EPB41L3: variants seen among roughly 807,000 people sequenced by gnomAD.
EPB41L3 encodes the protein erythrocyte membrane protein band 4.1 like 3, also known as band 4.1-like protein 3.
EPB41L3 carries 57 observed loss-of-function variants against 127.1 expected under a neutral mutation model. The observed-to-expected ratio is 0.45, with a 90% confidence interval of 0.36 to 0.56. The LOEUF (loss-of-function observed/expected upper bound fraction) is 0.56. EPB41L3 is among the 20% of genes least tolerant of loss of function. EPB41L3 has a pLI of 0.00. For synonymous variants in EPB41L3, 572 were observed against 549.5 expected (o/e 1.04, Z -0.57); for missense variants, 1,273 against 1,372.2 (o/e 0.93, Z 1.14).
intron 3 of EPB41L3, among the ~76,000 whole-genome samples, chr18:5,603,308 C>T (rs775981888): frequency 1.3e-5 from 2 of 152,074 alleles, no homozygotes; most frequent in African/African-American, 2.4e-5. Context: ...TGAGCTAAGG[C>T]CCGCCTCCAA....
intron 3 of EPB41L3, among the ~76,000 whole-genome samples, chr18:5,578,866 T>C (rs1474582427): frequency 2.0e-5 from 3 of 152,228 alleles, no homozygotes; most frequent in Non-Finnish European, 1.5e-5. Flanking sequence ...TGTCTCCTGA[T>C]GTTGAACATT....
chr18:5,568,402 G>A (rs188885948), intron 3 of EPB41L3, among the ~76,000 whole-genome samples: 2 of 139,878 alleles, frequency 1.4e-5, no homozygotes, highest in East Asian at 4.1e-4. Flanking sequence ...TCTTCTCTAT[G>A]GTTTCTACCA....
At chr18:5,422,892 T>C (rs557334309) in intron 11 of EPB41L3, among the ~76,000 whole-genome samples, 3 of 152,214 alleles carry the variant, frequency 2.0e-5, no homozygotes, top group Non-Finnish European at 4.4e-5. Flanking sequence ...TGTGCTCTGT[T>C]ATTTGAATGT....
At position 5,412,938 on chromosome 18, in the gene EPB41L3, C is replaced by A. The variant is rs78393126; in HGVS notation, c.2068-2319G>T. 6.0e-5 allele frequency among the ~76,000 whole-genome samples: 9 copies of A among 151,056 alleles called. No homozygotes were observed. The East Asian group carries it at 1.2e-3, about 20-fold the overall frequency. ...TATTCCTATTTTTCTCAGCCATACA[C>A]AAATAGCATAGTCCACATATAAAAT... On this transcript the variant is annotated intron_variant, in intron 13 of 22. Transcript: ENST00000341928.
chr18:5,423,245 T>A, intron 11 of EPB41L3, 133 bp downstream of exon 11: 1 of 897,462 alleles, frequency 1.1e-6, no homozygotes, highest in Non-Finnish European at 1.5e-6. Context: ...AATGTGCCAT[T>A]CAGTCAATAA....
intron 1 of EPB41L3, among the ~76,000 whole-genome samples, chr18:5,497,762 G>A (rs1598339208): frequency 6.6e-6 from 1 of 152,162 alleles, no homozygotes; most frequent in African/African-American, 2.4e-5. Context: ...TATTCCTGTG[G>A]TTTAAGTGAC....
chr18:5,507,770 G>C (rs2092299397), intron 1 of EPB41L3, among the ~76,000 whole-genome samples: 1 of 152,092 alleles, frequency 6.6e-6, no homozygotes, highest in South Asian at 2.1e-4. Flanking sequence ...AAAATCAAAT[G>C]ATGATTTGGA....
chr18:5,522,902 C>T (rs1036706887), intron 1 of EPB41L3, among the ~76,000 whole-genome samples: 3 of 151,988 alleles, frequency 2.0e-5, no homozygotes, highest in African/African-American at 4.8e-5. Flanking sequence ...AGTGAATAAA[C>T]GGAAAATGAT....
chr18:5,530,194 A>G (rs1244269290), intron 1 of EPB41L3, among the ~76,000 whole-genome samples: 1 of 152,114 alleles, frequency 6.6e-6, no homozygotes, highest in Non-Finnish European at 1.5e-5. Flanking sequence ...GGGTTGCTGT[A>G]TAGATTGATA....
chr18:5,429,194 TAAATAC>T (rs2078642159), intron 8 of EPB41L3: 2 of 152,168 alleles, frequency 1.3e-5, no homozygotes, highest in African/African-American at 4.8e-5. Flanking sequence ...TATATAAATA[TAAATAC>T]TTTTTAAATA....
At chr18:5,613,393 C>T (rs929664033) in intron 2 of EPB41L3, among the ~76,000 whole-genome samples, 8 of 152,334 alleles carry the variant, frequency 5.3e-5, no homozygotes, top group Non-Finnish European at 1.0e-4. Flanking sequence ...ATGCTCAGTT[C>T]CTTCTCAGGA....
At chr18:5,407,562 C>T (rs534477525) in intron 15 of EPB41L3, 139 bp downstream of exon 15, 211 of 791,756 alleles carry the variant, frequency 2.7e-4, no homozygotes, top group Non-Finnish European at 1.2e-4. Context: ...GGAACAAATG[C>T]CAACCTACAC....
chr18:5,436,511 C>T (rs1253555291), intron 6 of EPB41L3, among the ~76,000 whole-genome samples: 2 of 150,968 alleles, frequency 1.3e-5, no homozygotes, highest in South Asian at 4.2e-4. Context: ...CAGGTTCACG[C>T]CATTCTCCTG....
intron 3 of EPB41L3, among the ~76,000 whole-genome samples, chr18:5,460,161 T>C (rs999925720): frequency 6.6e-6 from 1 of 152,210 alleles, no homozygotes; most frequent in Non-Finnish European, 1.5e-5. Flanking sequence ...GCATTTGGTT[T>C]TCTGTTCCTA....
At chr18:5,608,857 T>C (rs2094693776) in intron 3 of EPB41L3, among the ~76,000 whole-genome samples, 1 of 152,174 alleles carries the variant, frequency 6.6e-6, no homozygotes, top group Non-Finnish European at 1.5e-5. Context: ...AACAGCTGAT[T>C]AGGTGATAAT....
intron 1 of EPB41L3, among the ~76,000 whole-genome samples, chr18:5,513,124 G>A (rs2092609087): frequency 6.6e-6 from 1 of 152,114 alleles, no homozygotes; most frequent in South Asian, 2.1e-4. Context: ...CTCTTTCCAG[G>A]CACATAGTAG....
intron 3 of EPB41L3, among the ~76,000 whole-genome samples, chr18:5,586,505 T>G (rs953932069): frequency 2.6e-5 from 4 of 151,428 alleles, no homozygotes; most frequent in Admixed American, 2.0e-4. Flanking sequence ...GCTTAAGTGA[T>G]CCTCCTACCT....
chr18:5,455,368 C>A (rs955391410), intron 3 of EPB41L3, among the ~76,000 whole-genome samples: 4 of 152,026 alleles, frequency 2.6e-5, no homozygotes, highest in Middle Eastern at 3.2e-3. Context: ...TATTAGTAAA[C>A]TGAGTCTACA....
chr18:5,500,099 A>G (rs2091603305), intron 1 of EPB41L3, among the ~76,000 whole-genome samples: 1 of 152,144 alleles, frequency 6.6e-6, no homozygotes, highest in South Asian at 2.1e-4. Flanking sequence ...TACGATTTTG[A>G]AGCTGTTATT....
Sources: allele counts gnomAD v4.1 joint callset (sites outside exome capture counted in the v4.1 genomes callset), GRCh38; gene constraint gnomAD v4.1.1; transcripts MANE v1.5; gene names NCBI Gene and HGNC (gene_info 2026-07-23, HGNC 2026-07-21).